Variants in CPNE8 observed in about 807,000 individuals in gnomAD.
CPNE8 encodes copine 8, also known as copine-8.
A neutral mutation model predicts 81.5 loss-of-function variants in CPNE8; 45 were observed. That is an observed-to-expected ratio of 0.55 (90% CI 0.44 to 0.71). The LOEUF (loss-of-function observed/expected upper bound fraction) is 0.71, where lower values mean the gene tolerates loss of function less well. Among genes scored for constraint, CPNE8 ranks in the 30% least tolerant of loss-of-function variants. The pLI is 0.00. For synonymous variants in CPNE8, 252 were observed against 226.3 expected (o/e 1.11, Z -1.02); for missense variants, 594 against 672.1 (o/e 0.88, Z 1.28).
rs374659282 is a variant in CPNE8 at position 38,778,258 on chromosome 12, G to T, written c.408-1957C>A. Among the ~76,000 whole-genome samples, 124 of 152,252 alleles carry T rather than the reference G, an allele frequency of 8.1e-4. No homozygotes were observed. The East Asian group carries it at 9.1e-3, about 11-fold the overall frequency. On this transcript the variant is annotated intron_variant, in intron 6 of 19. Transcript: ENST00000331366. ...AAAAAGGTTGGGGACTTCTGGGTTAGACCATCTAGGTTTGTGTAAGTACAG... is the reference window on the plus strand; with the variant it reads ...AAAAAGGTTGGGGACTTCTGGGTTATACCATCTAGGTTTGTGTAAGTACAG...
intron 6 of CPNE8, among the ~76,000 whole-genome samples, chr12:38,789,773 G>GA (rs533292712): frequency 2.0e-5 from 3 of 151,528 alleles, no homozygotes; most frequent in Admixed American, 6.6e-5. Flanking sequence ...TAACCTCATT[G>GA]AAAAAATGGG....
At chr12:38,815,329 T>C (rs1190543339) in intron 6 of CPNE8, among the ~76,000 whole-genome samples, 2 of 152,224 alleles carry the variant, frequency 1.3e-5, no homozygotes, top group East Asian at 3.8e-4. Context: ...TAGCCTTTTA[T>C]TTTTACAATC....
At chr12:38,656,696 C>G (rs1938828168) in intron 19 of CPNE8, among the ~76,000 whole-genome samples, 1 of 152,132 alleles carries the variant, frequency 6.6e-6, no homozygotes, top group Non-Finnish European at 1.5e-5. Flanking sequence ...CAAATTCCAC[C>G]AAACTTTTAA....
chr12:38,905,372 C>T, intron 1 of CPNE8, 65 bp downstream of exon 1: 1 of 1,518,788 alleles, frequency 6.6e-7, no homozygotes, highest in Non-Finnish European at 8.9e-7. Flanking sequence ...ACCCCGAGCG[C>T]TCTCCAAGTG....
At chr12:38,822,896 C>T (rs1943128761) in intron 6 of CPNE8, among the ~76,000 whole-genome samples, 1 of 152,154 alleles carries the variant, frequency 6.6e-6, no homozygotes, top group African/African-American at 2.4e-5. Context: ...GAGAGCATAA[C>T]AATATCAATT....
At chr12:38,903,329 T>C (rs1390862692) in intron 1 of CPNE8, among the ~76,000 whole-genome samples, 1 of 136,904 alleles carries the variant, frequency 7.3e-6, no homozygotes, top group Non-Finnish European at 1.5e-5. Context: ...TCTTTCAGGA[T>C]TTTTTTTTCC....
intron 10 of CPNE8, among the ~76,000 whole-genome samples, chr12:38,749,106 C>T (rs1034701569): frequency 6.6e-6 from 1 of 151,930 alleles, no homozygotes; most frequent in Non-Finnish European, 1.5e-5. Flanking sequence ...ATCATGGGGG[C>T]GGGTCTTTCT....
At chr12:38,811,906 G>T (rs940205992) in intron 6 of CPNE8, among the ~76,000 whole-genome samples, 1 of 152,166 alleles carries the variant, frequency 6.6e-6, no homozygotes, top group African/African-American at 2.4e-5. Context: ...CCCTTTTATA[G>T]GCATTATGTT....
At chr12:38,827,051 T>C (rs558162237) in intron 6 of CPNE8, among the ~76,000 whole-genome samples, 75 of 148,012 alleles carry the variant, frequency 5.1e-4, no homozygotes, top group Non-Finnish European at 8.9e-4. Flanking sequence ...GTGCCACACG[T>C]GCGCCTGTAA....
At chr12:38,750,249 C>T (rs1378582081) in intron 10 of CPNE8, among the ~76,000 whole-genome samples, 2 of 152,126 alleles carry the variant, frequency 1.3e-5, no homozygotes, top group African/African-American at 4.8e-5. Flanking sequence ...GTATGGAAAC[C>T]CCTGGGTGCC....
At chr12:38,825,409 G>A (rs1399610485) in intron 6 of CPNE8, among the ~76,000 whole-genome samples, 1 of 151,968 alleles carries the variant, frequency 6.6e-6, no homozygotes, top group East Asian at 1.9e-4. Flanking sequence ...GGAAGAGCAG[G>A]AGTTAGCAAG....
chr12:38,808,411 A>G (rs1262542739), intron 6 of CPNE8, among the ~76,000 whole-genome samples: 1 of 152,068 alleles, frequency 6.6e-6, no homozygotes, highest in Non-Finnish European at 1.5e-5. Context: ...ACACCATGGA[A>G]TACTATGCAG....
chr12:38,790,776 C>A (rs1942304515), intron 6 of CPNE8, among the ~76,000 whole-genome samples: 1 of 151,464 alleles, frequency 6.6e-6, no homozygotes, highest in Non-Finnish European at 1.5e-5. Context: ...AACAAACAAA[C>A]AAAAAACAAA....
At chr12:38,824,847 A>C (rs1284734044) in intron 6 of CPNE8, among the ~76,000 whole-genome samples, 1 of 152,168 alleles carries the variant, frequency 6.6e-6, no homozygotes, top group Non-Finnish European at 1.5e-5. Flanking sequence ...AAAATCACCT[A>C]ACCTCTCACA....
chr12:38,872,977 AT>A (rs770008571), intron 3 of CPNE8, 26 bp downstream of exon 3: 9 of 1,340,002 alleles, frequency 6.7e-6, no homozygotes, highest in Admixed American at 1.7e-5. Context: ...AAGCCCAGTG[AT>A]TTTTTTAAAA....
upstream of CPNE8, chr12:38,906,147 C>A: frequency 1.0e-6 from 1 of 985,852 alleles, no homozygotes; most frequent in Non-Finnish European, 1.2e-6. Flanking sequence ...CTCACCTCGC[C>A]CTCGGAGCTC....
intron 13 of CPNE8, among the ~76,000 whole-genome samples, chr12:38,704,449 CA>C (rs1258310252): frequency 6.6e-6 from 1 of 151,908 alleles, no homozygotes; most frequent in Non-Finnish European, 1.5e-5. Flanking sequence ...AAATATGTTA[CA>C]AAATGCTCCT....
intron 6 of CPNE8, among the ~76,000 whole-genome samples, chr12:38,814,979 A>G (rs897983489): frequency 6.6e-6 from 1 of 152,210 alleles, no homozygotes; most frequent in African/African-American, 2.4e-5. Context: ...TACCTTACGT[A>G]TGATACTTTC....
intron 10 of CPNE8, among the ~76,000 whole-genome samples, chr12:38,741,177 A>G (rs927272892): frequency 1.2e-4 from 18 of 152,288 alleles, no homozygotes; most frequent in African/African-American, 3.8e-4. Flanking sequence ...ATTGGAAAAA[A>G]CCACTTTAAA....
Sources: allele counts gnomAD v4.1 joint callset (sites outside exome capture counted in the v4.1 genomes callset), GRCh38; gene constraint gnomAD v4.1.1; transcripts MANE v1.5; gene names NCBI Gene and HGNC (gene_info 2026-07-23, HGNC 2026-07-21).